ZNF385B: variants seen among roughly 807,000 people sequenced by gnomAD.
The protein encoded by ZNF385B is zinc finger protein 533.
A neutral mutation model predicts 39.2 loss-of-function variants in ZNF385B; 23 were observed. The ratio of observed to expected loss-of-function variants is 0.59; its 90% CI spans 0.42 to 0.83. The LOEUF (loss-of-function observed/expected upper bound fraction) is 0.83, where lower values mean the gene tolerates loss of function less well. Ranked by LOEUF, ZNF385B falls within the 40% of genes least tolerant of loss-of-function variation. ZNF385B has a pLI of 0.00. For missense variants in ZNF385B, 552 were observed against 598.9 expected (o/e 0.92, Z 0.82); for synonymous variants, 205 against 222.6 (o/e 0.92, Z 0.70).
At chr2:179,612,365 G>A (rs571721942) in intron 3 of ZNF385B, among the ~76,000 whole-genome samples, 24 of 152,224 alleles carry the variant, frequency 1.6e-4, no homozygotes, top group African/African-American at 5.8e-4. Flanking sequence ...ATCCTTCTTG[G>A]AGAGGCTTTC....
rs71401756 is a variant in ZNF385B at position 179,663,713 on chromosome 2, C to CAAAAAAAAAA, written c.298+105780_298+105789dup. ...TGGGCGACAGAGCGAGACTCCGTCT[C>CAAAAAAAAAA]AAAAAAAAAAAAAAAAAAAAAAAAA... On this transcript the variant is annotated intron_variant, in intron 3 of 9. Transcript: ENST00000410066. Among the ~76,000 whole-genome samples, 6 of 67,730 alleles carry CAAAAAAAAAA rather than the reference C, an allele frequency of 8.9e-5. 1 individual carries two copies. Among genetic ancestry groups the CAAAAAAAAAA allele is most frequent in the African/African-American group, 3.4e-4 (5 of 14,624 alleles). 44.4% of individuals were successfully genotyped at this position (67,730 alleles called of 152,430 possible).
chr2:179,580,345 G>C (rs1404097009), intron 3 of ZNF385B, among the ~76,000 whole-genome samples: 1 of 152,136 alleles, frequency 6.6e-6, no homozygotes, highest in Non-Finnish European at 1.5e-5. Context: ...TTCCACCATA[G>C]AAAACTTTAG....
At chr2:179,523,960 A>G (rs896838410) in intron 4 of ZNF385B, among the ~76,000 whole-genome samples, 2 of 151,586 alleles carry the variant, frequency 1.3e-5, no homozygotes, top group Non-Finnish European at 2.9e-5. Context: ...GTTTTTTTTT[A>G]AATTTTTATT....
rs1236381952 is a variant in ZNF385B at position 179,478,016 on chromosome 2, G to A, written c.715+5256C>T. On this transcript the variant is annotated intron_variant, in intron 6 of 9. Coordinates refer to ENST00000410066, the MANE Select transcript of ZNF385B (RefSeq NM_152520.6). ...TTTCTTCCTTTGCCCATTGGAATAC[G>A]TGCATTTACTCCTCCAAGTCACAGA... Among the ~76,000 whole-genome samples, 9 of 152,206 alleles carry A rather than the reference G, an allele frequency of 5.9e-5. 1 individual carries two copies. Among genetic ancestry groups the A allele is most frequent in the East Asian group, 3.9e-4 (2 of 5,176 alleles).
In ZNF385B at chr2:179,749,240, G is replaced by C. The variant is rs1575415737; in HGVS notation, c.298+20263C>G. 2.0e-5 allele frequency among the ~76,000 whole-genome samples: 3 copies of C among 152,134 alleles called. No individual in the cohort carries two copies. The South Asian group carries it at 6.2e-4, about 32-fold the overall frequency. On this transcript the variant is annotated intron_variant, in intron 3 of 9. Transcript: ENST00000410066. ...ATTAAATAATAGATAAATACTCAGT[G>C]TCTACAGGACAACAGTCTCTGGATT... is the stretch of plus-strand genomic sequence containing the variant.
chr2:179,829,651 C>T (rs1246987915), intron 1 of ZNF385B, among the ~76,000 whole-genome samples: 1 of 152,060 alleles, frequency 6.6e-6, no homozygotes, highest in East Asian at 1.9e-4. Context: ...GTAGCTGGGA[C>T]TACAGGCGCC....
intron 3 of ZNF385B, among the ~76,000 whole-genome samples, chr2:179,699,775 G>A (rs750707063): frequency 2.0e-5 from 3 of 152,244 alleles, no homozygotes; most frequent in African/African-American, 2.4e-5. Flanking sequence ...CTCTGTTGGC[G>A]GTTGATGGCA....
intron 1 of ZNF385B, among the ~76,000 whole-genome samples, chr2:179,790,320 T>C (rs184576470): frequency 2.0e-5 from 3 of 152,314 alleles, no homozygotes. Context: ...ATTCACATTG[T>C]TGTTATTGAC....
intron 3 of ZNF385B, among the ~76,000 whole-genome samples, chr2:179,759,367 C>T (rs1425380682): frequency 6.6e-6 from 1 of 152,128 alleles, no homozygotes; most frequent in Non-Finnish European, 1.5e-5. Context: ...GAACTCAGGA[C>T]AACTTAGCTC....
intron 3 of ZNF385B, among the ~76,000 whole-genome samples, chr2:179,640,343 GA>G (rs1354754640): frequency 6.6e-6 from 1 of 152,020 alleles, no homozygotes; most frequent in East Asian, 1.9e-4. Flanking sequence ...TGTCCATGCT[GA>G]AGAATTTGGG....
Position 179,533,608 on chromosome 2 carries a change from G to A in ZNF385B, c.441+11219C>T, listed in dbSNP as rs140540847. On this transcript the variant is annotated intron_variant, in intron 4 of 9. Coordinates refer to ENST00000410066, the MANE Select transcript of ZNF385B (RefSeq NM_152520.6). ...AATTTAAATTCAGGAAAACAGGTGTGTGGGAGGGGGAGGAGTGGGTAGGGT... is the reference window on the plus strand; with the variant it reads ...AATTTAAATTCAGGAAAACAGGTGTATGGGAGGGGGAGGAGTGGGTAGGGT... Among the ~76,000 whole-genome samples the A allele has an allele frequency of 2.5e-3, 384 of 152,218 alleles. 2 individuals carry two copies. Among genetic ancestry groups the A allele is most frequent in the African/African-American group, 8.9e-3 (371 of 41,542 alleles).
intron 6 of ZNF385B, among the ~76,000 whole-genome samples, chr2:179,477,025 A>T (rs576214351): frequency 6.6e-6 from 1 of 152,316 alleles, no homozygotes; most frequent in Admixed American, 6.5e-5. Flanking sequence ...CTTCCATTCA[A>T]CATCACAAGG....
intron 3 of ZNF385B, among the ~76,000 whole-genome samples, chr2:179,630,685 G>A (rs749397746): frequency 3.3e-5 from 5 of 152,194 alleles, no homozygotes; most frequent in Non-Finnish European, 5.9e-5. Context: ...ATGAACTGAC[G>A]GAAGTAGGCT....
intron 3 of ZNF385B, among the ~76,000 whole-genome samples, chr2:179,565,594 C>T (rs1438244651): frequency 6.6e-6 from 1 of 152,208 alleles, no homozygotes; most frequent in African/African-American, 2.4e-5. Flanking sequence ...TTAGGCAGTG[C>T]CTTACACTTC....
At chr2:179,657,257 G>A (rs1693886686) in intron 3 of ZNF385B, among the ~76,000 whole-genome samples, 1 of 152,156 alleles carries the variant, frequency 6.6e-6, no homozygotes, top group Non-Finnish European at 1.5e-5. Flanking sequence ...AGCCACCTTA[G>A]TGGCCATCAC....
chr2:179,670,751 G>C (rs1449252099), intron 3 of ZNF385B, among the ~76,000 whole-genome samples: 7 of 152,134 alleles, frequency 4.6e-5, no homozygotes, highest in African/African-American at 7.2e-5. Flanking sequence ...AATTTAGGGG[G>C]TACATACAGT....
Position 179,609,451 on chromosome 2 carries a change from A to C in ZNF385B, c.299-64482T>G, listed in dbSNP as rs1008574382. ...ACTCCATTGTGCATTGTGTATATGTACCACATTTTCTTATCCATTAATCTG... is the reference window on the plus strand; with the variant it reads ...ACTCCATTGTGCATTGTGTATATGTCCCACATTTTCTTATCCATTAATCTG... On this transcript the variant is annotated intron_variant, in intron 3 of 9. Transcript: ENST00000410066. Among the ~76,000 whole-genome samples the C allele has an allele frequency of 2.6e-5, 4 of 152,140 alleles. No homozygotes were observed. In the South Asian group the frequency reaches 8.3e-4, roughly 31 times the overall value.
Position 179,498,521 on chromosome 2 carries a change from C to A in ZNF385B, c.553-15087G>T, listed in dbSNP as rs371871909. 2.1e-4 allele frequency among the ~76,000 whole-genome samples: 32 copies of A among 151,964 alleles called. No homozygotes were observed. The East Asian group carries it at 3.5e-3, about 17-fold the overall frequency. ...CCACAATGGAATAAAACTAGAAATT[C>A]ATAACAAAAGGAATTTTGGAAACTA... is the stretch of plus-strand genomic sequence containing the variant. On this transcript the variant is annotated intron_variant, in intron 5 of 9. Coordinates refer to ENST00000410066, the MANE Select transcript of ZNF385B (RefSeq NM_152520.6).
At chr2:179,558,560 T>C (rs946524630) in intron 3 of ZNF385B, among the ~76,000 whole-genome samples, 1 of 152,140 alleles carries the variant, frequency 6.6e-6, no homozygotes, top group African/African-American at 2.4e-5. Flanking sequence ...AAACACTTCA[T>C]AGCTATTCAA....
Sources: gnomAD v4.1 joint callset for allele counts (sites outside exome capture counted in the v4.1 genomes callset) on GRCh38, gnomAD v4.1.1 for gene constraint, MANE v1.5 for transcripts, NCBI Gene and HGNC (gene_info 2026-07-23, HGNC 2026-07-21) for gene names.